CD99: variants seen among roughly 807,000 people sequenced by gnomAD.
The protein encoded by CD99 is CD99 antigen.
CD99 carries 19 observed loss-of-function variants against 28.4 expected under a neutral mutation model. The observed-to-expected ratio is 0.67, with a 90% CI of 0.47 to 0.98. The LOEUF is 0.98. Among genes scored for constraint, CD99 ranks in the 50% least tolerant of loss-of-function variants. The pLI is 0.00. For synonymous variants in CD99, 103 were observed against 92.1 expected (o/e 1.12, Z -0.67); for missense variants, 283 against 248.8 (o/e 1.14, Z -0.92).
chrX:2,723,456 A>G (rs1480299349), intron 7 of CD99, 92 bp downstream of exon 7: 8 of 1,434,508 alleles, frequency 5.6e-6, no homozygotes, highest in East Asian at 2.3e-5. Context: ...CTGCACTGGC[A>G]TTGGCCTCCT....
At chrX:2,723,266 T>C (rs373724672) in intron 6 of CD99, 48 bp from the exon 7 acceptor site, 15 of 1,606,308 alleles carry the variant, frequency 9.3e-6, no homozygotes, top group Non-Finnish European at 1.3e-5. Context: ...TGTGAATTTT[T>C]CCTTGACCCC....
chrX:2,718,192 A>G (rs774194435), intron 3 of CD99, among the ~76,000 whole-genome samples: 2 of 151,738 alleles, frequency 1.3e-5, no homozygotes, highest in African/African-American at 4.8e-5. Context: ...CTGCCTCCCA[A>G]AGTGCTGGGA....
chrX:2,726,396 C>A, intron 8 of CD99, 23 bp downstream of exon 8: 1 of 1,412,926 alleles, frequency 7.1e-7, no homozygotes, highest in Non-Finnish European at 1.0e-6. Context: ...CCGCCGGTGC[C>A]TCTCCTTCAT....
At chrX:2,734,135 C>A (rs1375936038) in intron 8 of CD99, among the ~76,000 whole-genome samples, 1 of 152,110 alleles carries the variant, frequency 6.6e-6, no homozygotes, top group African/African-American at 2.4e-5. Flanking sequence ...CTTCTGTTTC[C>A]AAAGTCCACC....
intron 1 of CD99, chrX:2,692,214 C>A: frequency 2.2e-6 from 1 of 445,218 alleles, no homozygotes. Context: ...GAGACCCTGC[C>A]GGATGTGGTA....
chrX:2,732,242 C>A (rs17807417), intron 8 of CD99, among the ~76,000 whole-genome samples: 1 of 151,796 alleles, frequency 6.6e-6, no homozygotes. Flanking sequence ...GTTGGCTTCG[C>A]GGGGGACCTG....
At chrX:2,700,462 G>C (rs28634657) in intron 1 of CD99, among the ~76,000 whole-genome samples, 8 of 147,532 alleles carry the variant, frequency 5.4e-5, no homozygotes, top group Non-Finnish European at 1.0e-4. Flanking sequence ...CCATCCGTTC[G>C]TCCATCCATC....
intron 4 of CD99, 158 bp downstream of exon 4, chrX:2,719,863 C>A: frequency 4.6e-6 from 1 of 215,816 alleles, no homozygotes; most frequent in Non-Finnish European, 7.9e-6. Flanking sequence ...TTGCTGTTGT[C>A]GTTGGGTTTT....
At chrX:2,712,490 A>G (rs2048454168) in intron 1 of CD99, among the ~76,000 whole-genome samples, 1 of 152,130 alleles carries the variant, frequency 6.6e-6, no homozygotes, top group Non-Finnish European at 1.5e-5. Context: ...GTGCATATAT[A>G]TATTTATATG....
intron 8 of CD99, chrX:2,737,839 A>C: frequency 2.4e-6 from 1 of 412,854 alleles, no homozygotes. Context: ...ATAAATAAGA[A>C]TCTTATTTTC....
intron 7 of CD99, among the ~76,000 whole-genome samples, chrX:2,725,674 C>T (rs1436277454): frequency 6.6e-6 from 1 of 152,128 alleles, no homozygotes; most frequent in Non-Finnish European, 1.5e-5. Flanking sequence ...AGTGCAGCGG[C>T]ACAATCTCGG....
At chrX:2,735,848 T>C (rs148234642) in intron 8 of CD99, among the ~76,000 whole-genome samples, 4,402 of 152,222 alleles carry the variant, frequency 0.029, 85 homozygotes, top group Middle Eastern at 0.061. Context: ...GGGAGAACAG[T>C]TGAAACTGTG....
chrX:2,731,271 G>T (rs2049588705), intron 8 of CD99, among the ~76,000 whole-genome samples: 1 of 152,194 alleles, frequency 6.6e-6, no homozygotes, highest in Admixed American at 6.5e-5. Context: ...TAAGAAGGAT[G>T]TGAGTATAGC....
chrX:2,709,856 T>G (rs1376231662), intron 1 of CD99, among the ~76,000 whole-genome samples: 6 of 152,066 alleles, frequency 3.9e-5, no homozygotes, highest in Admixed American at 2.6e-4. Flanking sequence ...GCAAGAAGCA[T>G]GGACCTAAAC....
chrX:2,732,949 TCCTCCCTCCCTC>T (rs778008542), intron 8 of CD99, among the ~76,000 whole-genome samples: 1 of 138,744 alleles, frequency 7.2e-6, no homozygotes, highest in Non-Finnish European at 1.6e-5. Context: ...CTCCTTCCCT[TCCTCCCTCCCTC>T]CCTCATTTCC....
intron 8 of CD99, among the ~76,000 whole-genome samples, chrX:2,726,947 G>A (rs903872783): frequency 6.6e-6 from 1 of 152,050 alleles, no homozygotes; most frequent in South Asian, 2.1e-4. Flanking sequence ...ACCATCCTGG[G>A]TAACATGGTG....
chrX:2,736,626 G>C (rs2049953788), intron 8 of CD99, among the ~76,000 whole-genome samples: 1 of 152,040 alleles, frequency 6.6e-6, no homozygotes, highest in African/African-American at 2.4e-5. Flanking sequence ...GAGAGGCCGA[G>C]GTGGGCGGAT....
chrX:2,714,794 AAAACACAC>A, intron 2 of CD99: 1 of 244,172 alleles, frequency 4.1e-6, no homozygotes. Flanking sequence ...TTCCGTTTGT[AAAACACAC>A]AGTATTTGCA....
chrX:2,712,627 C>G (rs1489840310), intron 1 of CD99, among the ~76,000 whole-genome samples: 1 of 152,012 alleles, frequency 6.6e-6, no homozygotes, highest in South Asian at 2.1e-4. Context: ...GGCAAGTGTC[C>G]TGTTGTGGAA....
Sources: allele counts gnomAD v4.1 joint callset (sites outside exome capture counted in the v4.1 genomes callset), GRCh38; gene constraint gnomAD v4.1.1; transcripts MANE v1.5; gene names NCBI Gene and HGNC (gene_info 2026-07-23, HGNC 2026-07-21).